Variants in CSMD1 observed in about 807,000 individuals in gnomAD.
CSMD1 encodes the protein CUB and sushi domain-containing protein 1.
A neutral mutation model predicts 417.5 loss-of-function variants in CSMD1; 213 were observed. That is an observed-to-expected ratio of 0.51 (90% confidence interval 0.46 to 0.57). The LOEUF (loss-of-function observed/expected upper bound fraction) is 0.57, where lower values mean the gene tolerates loss of function less well. Ranked by LOEUF, CSMD1 falls within the 20% of genes least tolerant of loss-of-function variation. The pLI, the probability that CSMD1 is intolerant of heterozygous loss-of-function variation, is 0.00. For missense variants in CSMD1, 6,923 were observed against 4,529.7 expected (o/e 1.53, Z -15.17); for synonymous variants, 2,862 against 1,736.8 (o/e 1.65, Z -16.11).
At chr8:3,409,686 C>T (rs181179798) in intron 12 of CSMD1, 81 bp from the exon 13 acceptor site, 56 of 1,147,524 alleles carry the variant, frequency 4.9e-5, no homozygotes, top group South Asian at 4.3e-4. Context: ...AAAGTAAATA[C>T]GTGGCTTCTT....
chr8:3,077,089 T>G (rs931383049), intron 49 of CSMD1, among the ~76,000 whole-genome samples: 2 of 152,122 alleles, frequency 1.3e-5, no homozygotes, highest in Admixed American at 1.3e-4. Context: ...CCATGCTCAT[T>G]AGGTGCCTGC....
chr8:4,257,439 C>T (rs927060756), intron 3 of CSMD1, among the ~76,000 whole-genome samples: 2 of 152,052 alleles, frequency 1.3e-5, no homozygotes, highest in Non-Finnish European at 2.9e-5. Flanking sequence ...TCTCTTTAGG[C>T]TTATTAAGAA....
chr8:4,268,271 C>T (rs1036569140), intron 3 of CSMD1, among the ~76,000 whole-genome samples: 2 of 152,076 alleles, frequency 1.3e-5, no homozygotes, highest in African/African-American at 4.8e-5. Flanking sequence ...AATTGAGTTT[C>T]TATATTTGAA....
chr8:4,220,831 G>C (rs2407314), intron 3 of CSMD1, among the ~76,000 whole-genome samples: 67,738 of 152,072 alleles, frequency 0.45, 15,937 homozygotes, highest in South Asian at 0.65. Context: ...ATGGGGCTGA[G>C]TGAGAACTAC....
chr8:4,086,165 A>G (rs1800408498), intron 3 of CSMD1, among the ~76,000 whole-genome samples: 1 of 152,214 alleles, frequency 6.6e-6, no homozygotes, highest in Non-Finnish European at 1.5e-5. Context: ...CAAAAAGTGC[A>G]TATAAGTAAT....
chr8:3,828,788 T>A (rs933001005), intron 5 of CSMD1, among the ~76,000 whole-genome samples: 3 of 152,102 alleles, frequency 2.0e-5, no homozygotes, highest in African/African-American at 7.2e-5. Context: ...CCAAGCATCC[T>A]TCCACTGCAC....
chr8:3,456,760 G>C (rs893188624), intron 12 of CSMD1, among the ~76,000 whole-genome samples: 1 of 152,086 alleles, frequency 6.6e-6, no homozygotes, highest in Non-Finnish European at 1.5e-5. Context: ...TGGGAGGAAA[G>C]CCTGCAGATG....
chr8:3,996,579 G>A (rs1815240200), intron 5 of CSMD1, among the ~76,000 whole-genome samples: 2 of 152,020 alleles, frequency 1.3e-5, no homozygotes, highest in South Asian at 4.1e-4. Context: ...GAACTCTAAT[G>A]TTAGACATAG....
chr8:4,179,819 A>T (rs1451203204), intron 3 of CSMD1, among the ~76,000 whole-genome samples: 1 of 152,230 alleles, frequency 6.6e-6, no homozygotes, highest in African/African-American at 2.4e-5. Context: ...CAAAAGACAC[A>T]TGAAAAAATG....
Position 3,087,212 on chromosome 8 carries a change from G to T in CSMD1, c.7359C>A (p.Ser2453Arg). The change falls in exon 49 of 70, where the codon AGC (serine) becomes AGA (arginine). Residue 2453 changes from serine to arginine, a missense_variant. Coordinates refer to ENST00000635120, the MANE Select transcript of CSMD1 (RefSeq NM_033225.6). ...CAGGCTTGCAAAAATAATGCACTTT[G>T]CTTCCAACCGCTCCTGCAGTCCTGT... is the stretch of plus-strand genomic sequence containing the variant. ...ILNRTAGAVG[S>R]KVHYFCKPGY... The T allele has an allele frequency of 6.2e-7, 1 of 1,613,928 alleles. No individual in the cohort carries two copies. The highest frequency in any genetic ancestry group is 8.5e-7 in the Non-Finnish European group (1 of 1,179,868).
intron 1 of CSMD1, among the ~76,000 whole-genome samples, chr8:4,703,614 T>G (rs926173151): frequency 1.3e-5 from 2 of 152,118 alleles, no homozygotes; most frequent in African/African-American, 4.8e-5. Flanking sequence ...ATATTTCAAT[T>G]TTTCCCAAAC....
chr8:3,754,698 G>T (rs146370087), intron 5 of CSMD1, among the ~76,000 whole-genome samples: 2 of 152,176 alleles, frequency 1.3e-5, no homozygotes, highest in Admixed American at 1.3e-4. Flanking sequence ...CAGGTGATCT[G>T]CCTGCCTTGG....
chr8:4,321,207 G>C (rs914962355), intron 3 of CSMD1, among the ~76,000 whole-genome samples: 2 of 152,076 alleles, frequency 1.3e-5, no homozygotes, highest in Non-Finnish European at 1.5e-5. Flanking sequence ...TGTGTGTCCA[G>C]TGCATGAACA....
At chr8:4,798,520 G>A (rs746314388) in intron 1 of CSMD1, among the ~76,000 whole-genome samples, 1 of 152,138 alleles carries the variant, frequency 6.6e-6, no homozygotes, top group East Asian at 1.9e-4. Context: ...TATGTGAACA[G>A]ACAGGTTAGT....
intron 10 of CSMD1, among the ~76,000 whole-genome samples, chr8:3,567,195 A>G (rs767855116): frequency 6.6e-5 from 10 of 152,090 alleles, no homozygotes; most frequent in East Asian, 1.9e-4. Flanking sequence ...GCATGTTCTC[A>G]CTTCTAGGTG....
At chr8:4,802,311 T>C (rs1480309373) in intron 1 of CSMD1, among the ~76,000 whole-genome samples, 1 of 152,040 alleles carries the variant, frequency 6.6e-6, no homozygotes, top group Non-Finnish European at 1.5e-5. Flanking sequence ...GACCTATGAC[T>C]GGTCCTCCAA....
intron 8 of CSMD1, among the ~76,000 whole-genome samples, chr8:3,609,811 CTTTTTTTTTTTTTT>C (rs71534362): frequency 2.7e-5 from 2 of 75,262 alleles, no homozygotes; most frequent in Non-Finnish European, 4.7e-5. Flanking sequence ...AGTATCTTCC[CTTTTTTTTTTTTTT>C]TTTTTTTTTT....
chr8:3,900,299 G>C (rs543017126), intron 5 of CSMD1, among the ~76,000 whole-genome samples: 112 of 150,378 alleles, frequency 7.4e-4, no homozygotes, highest in Non-Finnish European at 1.4e-3. Flanking sequence ...GCGTGACACT[G>C]TAGCTGGGTG....
intron 8 of CSMD1, among the ~76,000 whole-genome samples, chr8:3,614,499 T>G (rs1435788036): frequency 6.6e-6 from 1 of 152,234 alleles, no homozygotes; most frequent in Admixed American, 6.5e-5. Flanking sequence ...TGATTGCCCA[T>G]GTGCTAAGAA....
Sources: gnomAD v4.1 joint callset for allele counts (sites outside exome capture counted in the v4.1 genomes callset) on GRCh38, gnomAD v4.1.1 for gene constraint, MANE v1.5 for transcripts, NCBI Gene and HGNC (gene_info 2026-07-23, HGNC 2026-07-21) for gene names.